The following MDFIC variants were observed in gnomAD, a reference collection of about 807,000 sequenced individuals.
The protein encoded by MDFIC is MyoD family inhibitor domain containing.
In MDFIC, 17 loss-of-function variants were observed where a neutral mutation model predicts 23.2. That is an observed-to-expected ratio of 0.73 (90% CI 0.50 to 1.10). The LOEUF (loss-of-function observed/expected upper bound fraction) is 1.10. Ranked by LOEUF, MDFIC falls within the 50% of genes least tolerant of loss-of-function variation. The pLI is 0.00. For synonymous variants in MDFIC, 120 were observed against 115.2 expected (o/e 1.04, Z -0.27); for missense variants, 356 against 316.6 (o/e 1.12, Z -0.95).
At chr7:114,965,128 T>G (rs1793072130) in intron 3 of MDFIC, among the ~76,000 whole-genome samples, 1 of 152,126 alleles carries the variant, frequency 6.6e-6, no homozygotes, top group Non-Finnish European at 1.5e-5. Context: ...GGTGTTGATG[T>G]AAGAGTAAGA....
chr7:114,971,538 A>T (rs1380237165), intron 3 of MDFIC, among the ~76,000 whole-genome samples: 1 of 152,192 alleles, frequency 6.6e-6, no homozygotes, highest in Non-Finnish European at 1.5e-5. Flanking sequence ...GAAACCTGAG[A>T]GTGCTGTATG....
intron 2 of MDFIC, among the ~76,000 whole-genome samples, chr7:114,935,080 G>A (rs1792397562): frequency 1.3e-5 from 2 of 151,740 alleles, no homozygotes; most frequent in South Asian, 4.2e-4. Flanking sequence ...TACAGACCTA[G>A]TTTTTTTTGT....
intron 4 of MDFIC, among the ~76,000 whole-genome samples, chr7:114,997,114 T>C (rs867661576): frequency 6.6e-5 from 10 of 152,178 alleles, no homozygotes; most frequent in South Asian, 2.1e-4. Context: ...AGTGTTGTGA[T>C]CGGGCTAGAG....
intron 4 of MDFIC, among the ~76,000 whole-genome samples, chr7:114,984,631 G>A (rs981841216): frequency 1.3e-5 from 2 of 152,030 alleles, no homozygotes; most frequent in African/African-American, 2.4e-5. Flanking sequence ...TTTTCTGATT[G>A]CATCACCCAG....
At chr7:114,924,148 T>C (rs1199945876) in intron 2 of MDFIC, among the ~76,000 whole-genome samples, 1 of 152,376 alleles carries the variant, frequency 6.6e-6, no homozygotes, top group Admixed American at 6.5e-5. Context: ...ATTTTTTGCC[T>C]CTAAATGAGT....
intron 4 of MDFIC, among the ~76,000 whole-genome samples, chr7:115,003,794 A>G (rs1397981399): frequency 1.3e-5 from 2 of 152,182 alleles, no homozygotes; most frequent in African/African-American, 4.8e-5. Flanking sequence ...GACATAACTC[A>G]GGAATCACCC....
chr7:114,955,672 G>T (rs1318004382), intron 3 of MDFIC, among the ~76,000 whole-genome samples: 1 of 152,160 alleles, frequency 6.6e-6, no homozygotes, highest in East Asian at 1.9e-4. Context: ...ACTACATTTA[G>T]CGTCTCTGTA....
intron 3 of MDFIC, among the ~76,000 whole-genome samples, chr7:114,976,974 C>T (rs758629013): frequency 1.8e-4 from 28 of 151,876 alleles, no homozygotes; most frequent in Non-Finnish European, 3.7e-4. Context: ...AATACTTTTC[C>T]AAGTGGAAGA....
In MDFIC at chr7:114,922,619, C is replaced by G; in HGVS notation, c.-125C>G. The G allele has an allele frequency of 7.8e-7, 1 of 1,283,732 alleles. No individual in the cohort carries two copies. Among genetic ancestry groups the G allele is most frequent in the Non-Finnish European group, 9.9e-7 (1 of 1,008,964 alleles). The allele number at this position is 1,283,732 out of a possible 1,614,324, so 79.5% of individuals were successfully genotyped here. On this transcript the variant is annotated 5_prime_UTR_variant, in exon 1 of 5. Transcript: ENST00000393486. Reference sequence around the variant, plus strand: ...AGGAGGAGGAAGGGGCTTGGAGCGACTACGGGGGGATGCGGAGGTAGGTAG... The same window carrying G: ...AGGAGGAGGAAGGGGCTTGGAGCGAGTACGGGGGGATGCGGAGGTAGGTAG...
intron 4 of MDFIC, among the ~76,000 whole-genome samples, chr7:114,982,100 C>G (rs1793427441): frequency 6.6e-6 from 1 of 152,134 alleles, no homozygotes; most frequent in African/African-American, 2.4e-5. Flanking sequence ...TCTCTTTTTA[C>G]AGCACCTGCT....
intron 2 of MDFIC, among the ~76,000 whole-genome samples, chr7:114,936,836 ATATT>A (rs1302471054): frequency 1.9e-4 from 29 of 151,928 alleles, no homozygotes; most frequent in Non-Finnish European, 2.2e-4. Context: ...TAAATATTAT[ATATT>A]TAAGTCCTTT....
intron 3 of MDFIC, among the ~76,000 whole-genome samples, chr7:114,975,645 G>A (rs992056290): frequency 4.6e-5 from 7 of 151,638 alleles, no homozygotes; most frequent in African/African-American, 1.5e-4. Flanking sequence ...GGTTTAATCC[G>A]TCAGGTGTTT....
At chr7:114,962,783 A>G (rs1047790947) in intron 3 of MDFIC, among the ~76,000 whole-genome samples, 5 of 152,264 alleles carry the variant, frequency 3.3e-5, no homozygotes, top group African/African-American at 1.2e-4. Flanking sequence ...TCAGAGTGAT[A>G]GTGTCATTTC....
chr7:114,922,440 C>A lies in MDFIC; in HGVS notation c.-304C>A. 2 of 1,243,012 alleles carry A rather than the reference C, an allele frequency of 1.6e-6. No individual in the cohort carries two copies. The highest frequency in any genetic ancestry group is 6.2e-4 in the Middle Eastern group (2 of 3,222). The allele number at this position is 1,243,012 out of a possible 1,614,324, so 77.0% of individuals were successfully genotyped here. ...GAGTGCGCGGAGTCAGAGCCGCCAC[C>A]GCTGCCGCAGTTGCCGCCACTGCGG... On this transcript the variant is annotated 5_prime_UTR_variant, in exon 1 of 5. Coordinates refer to ENST00000393486, the MANE Select transcript of MDFIC (RefSeq NM_001166345.3).
intron 4 of MDFIC, among the ~76,000 whole-genome samples, chr7:114,997,613 C>T (rs1339632273): frequency 6.0e-5 from 9 of 150,474 alleles, no homozygotes; most frequent in East Asian, 2.0e-4. Flanking sequence ...CGTGGTGCTG[C>T]GTGCCTGTGG....
intron 3 of MDFIC, among the ~76,000 whole-genome samples, chr7:114,957,308 T>G (rs935332174): frequency 1.3e-5 from 2 of 152,174 alleles, no homozygotes; most frequent in Non-Finnish European, 2.9e-5. Context: ...TTCTTTCATC[T>G]TCCTTTGACA....
At chr7:114,923,634 A>C (rs1390086158) in intron 2 of MDFIC, 5 of 1,444,172 alleles carry the variant, frequency 3.5e-6, no homozygotes, top group Non-Finnish European at 4.5e-6. Context: ...GTTTTGAAAT[A>C]AATAAACAAG....
intron 4 of MDFIC, among the ~76,000 whole-genome samples, chr7:114,981,143 T>C (rs1439815617): frequency 5.9e-5 from 9 of 152,230 alleles, no homozygotes; most frequent in Non-Finnish European, 1.2e-4. Context: ...TCTTCGCTTC[T>C]AGGTGATCGG....
intron 2 of MDFIC, among the ~76,000 whole-genome samples, chr7:114,937,592 A>G (rs1211599088): frequency 1.3e-5 from 2 of 152,232 alleles, no homozygotes; most frequent in Non-Finnish European, 2.9e-5. Context: ...AATGAGTCCC[A>G]GTCACACAGA....
Sources: allele counts gnomAD v4.1 joint callset (sites outside exome capture counted in the v4.1 genomes callset), GRCh38; gene constraint gnomAD v4.1.1; transcripts MANE v1.5; gene names NCBI Gene and HGNC (gene_info 2026-07-23, HGNC 2026-07-21).